TG: variants seen among roughly 807,000 people sequenced by gnomAD.
TG encodes the protein thyroid hormones.
In TG, 270 loss-of-function variants were observed where a neutral mutation model predicts 324.7. The ratio of observed to expected loss-of-function variants is 0.83; its 90% CI spans 0.75 to 0.92. TG has a LOEUF of 0.92. TG is among the 40% of genes least tolerant of loss of function. The probability of loss-of-function intolerance (pLI) is 0.00; values close to 1 mark genes in which losing one functional copy is unlikely to be tolerated. For synonymous variants in TG, 1,401 were observed against 1,327.0 expected, an observed-to-expected ratio of 1.06 and a Z score of -1.21; for missense variants, 3,591 against 3,456.4, an observed-to-expected ratio of 1.04 and a Z score of -0.98.
chr8:132,922,372 G>A (rs149364484), intron 21 of TG, among the ~76,000 whole-genome samples: 32 of 152,322 alleles, frequency 2.1e-4, no homozygotes, highest in African/African-American at 7.5e-4. Context: ...GTCAGACACT[G>A]AGCAAGGCAT....
At chr8:133,054,315 G>C (rs377318620) in intron 41 of TG, among the ~76,000 whole-genome samples, 91 of 152,288 alleles carry the variant, frequency 6.0e-4, no homozygotes, top group African/African-American at 2.1e-3. Flanking sequence ...TATGCACTGC[G>C]CATGAAAGAA....
chr8:132,942,849 G>C (rs1334822190), intron 26 of TG, among the ~76,000 whole-genome samples: 1 of 152,202 alleles, frequency 6.6e-6, no homozygotes, highest in Non-Finnish European at 1.5e-5. Context: ...GGGATGAGCA[G>C]TACTTAGATG....
At chr8:132,979,582 T>C (rs2130643923) in intron 34 of TG, among the ~76,000 whole-genome samples, 1 of 152,334 alleles carries the variant, frequency 6.6e-6, no homozygotes, top group South Asian at 2.1e-4. Flanking sequence ...AGTCTGCTGC[T>C]GGCACTAGGC....
intron 41 of TG, chr8:133,045,018 G>C: frequency 6.2e-7 from 1 of 1,614,164 alleles, no homozygotes; most frequent in South Asian, 1.1e-5. Context: ...CCAGGCACTG[G>C]AAGGTGAGCC....
At chr8:133,034,862 T>G (rs1461628346) in intron 41 of TG, among the ~76,000 whole-genome samples, 1 of 152,182 alleles carries the variant, frequency 6.6e-6, no homozygotes, top group African/African-American at 2.4e-5. Context: ...GTCTTAGGGC[T>G]TTGCTGGTAA....
intron 16 of TG, 96 bp from the exon 17 acceptor site, chr8:132,906,592 C>T (rs966947862): frequency 2.9e-5 from 41 of 1,399,220 alleles, no homozygotes; most frequent in Non-Finnish European, 3.8e-5. Context: ...GGAGGAGGGC[C>T]CAGTGTGAGT....
rs545398193 is a variant in TG, at chr8:132,944,951, G to A, written c.5233+3409G>A. The stretch of plus-strand genomic sequence containing the variant: ...AAAGAAGAGAAGCCTAGAGGAAGCC[G>A]TGGTCCCTGGAGCAGAGAGTACAAG... On this transcript the variant is annotated intron_variant, in intron 26 of 47. Coordinates refer to ENST00000220616, the MANE Select transcript of TG (RefSeq NM_003235.5). 4.6e-5 allele frequency among the ~76,000 whole-genome samples: 7 copies of A among 152,316 alleles called. 1 individual carries two copies. The South Asian group carries it at 6.2e-4, about 14-fold the overall frequency.
chr8:132,990,000 T>G (rs1172423780), intron 35 of TG, among the ~76,000 whole-genome samples: 1 of 151,918 alleles, frequency 6.6e-6, no homozygotes, highest in Non-Finnish European at 1.5e-5. Flanking sequence ...GAAGAGCAGA[T>G]AAAGTATAAT....
chr8:132,970,160 G>A (rs939977845), intron 32 of TG, among the ~76,000 whole-genome samples: 1 of 151,920 alleles, frequency 6.6e-6, no homozygotes, highest in Non-Finnish European at 1.5e-5. Context: ...AGAATCTGGA[G>A]AGCAAGTGGA....
At chr8:133,022,751 C>T (rs767459579) in intron 40 of TG, among the ~76,000 whole-genome samples, 10 of 152,208 alleles carry the variant, frequency 6.6e-5, no homozygotes, top group Non-Finnish European at 1.3e-4. Context: ...AAACATCCTC[C>T]ATCCACGTCT....
At chr8:133,011,260 G>A (rs1345589513) in intron 35 of TG, among the ~76,000 whole-genome samples, 2 of 152,142 alleles carry the variant, frequency 1.3e-5, no homozygotes, top group Non-Finnish European at 2.9e-5. Flanking sequence ...TACCCCCATG[G>A]ACAGTGTTGG....
intron 10 of TG, among the ~76,000 whole-genome samples, chr8:132,892,748 G>A (rs1178780224): frequency 6.6e-6 from 1 of 151,560 alleles, no homozygotes; most frequent in Non-Finnish European, 1.5e-5. Context: ...TGTATGGTGT[G>A]TGCACTTATG....
chr8:132,933,736 T>C, intron 24 of TG, 60 bp downstream of exon 24: 1 of 1,502,692 alleles, frequency 6.7e-7, no homozygotes, highest in African/African-American at 1.4e-5. Flanking sequence ...AGATGTGCTC[T>C]GAGGAGCGGG....
chr8:132,971,224 G>C (rs1252287208), intron 32 of TG, among the ~76,000 whole-genome samples: 1 of 152,184 alleles, frequency 6.6e-6, no homozygotes, highest in African/African-American at 2.4e-5. Context: ...TCTTGAGAGA[G>C]CCTGGCTGGG....
chr8:133,097,365 A>G (rs1456809778), intron 43 of TG, among the ~76,000 whole-genome samples: 1 of 152,208 alleles, frequency 6.6e-6, no homozygotes. Flanking sequence ...TGCATTGTTT[A>G]TTGATTGATT....
At chr8:132,878,207 A>C (rs1185297175) in intron 5 of TG, among the ~76,000 whole-genome samples, 1 of 152,152 alleles carries the variant, frequency 6.6e-6, no homozygotes, top group African/African-American at 2.4e-5. Context: ...GATGGAGGGA[A>C]CTTGGTTCCT....
intron 41 of TG, chr8:133,049,876 T>A: frequency 7.0e-7 from 1 of 1,430,680 alleles, no homozygotes; most frequent in Non-Finnish European, 9.9e-7. Flanking sequence ...CATGCTTAAT[T>A]GCTGCCATTT....
chr8:132,988,665 A>G (rs2130745130), intron 35 of TG: 5 of 968,420 alleles, frequency 5.2e-6, no homozygotes, highest in Non-Finnish European at 6.1e-6. Flanking sequence ...AATAGTAAAT[A>G]TATATTTTCT....
intron 41 of TG, among the ~76,000 whole-genome samples, chr8:133,048,244 G>C (rs1213214185): frequency 6.6e-6 from 1 of 151,664 alleles, no homozygotes; most frequent in Non-Finnish European, 1.5e-5. Context: ...TTTTGGAAAT[G>C]GATCCCTGCT....
Sources: allele counts gnomAD v4.1 joint callset (sites outside exome capture counted in the v4.1 genomes callset), GRCh38; gene constraint gnomAD v4.1.1; transcripts MANE v1.5; gene names NCBI Gene and HGNC (gene_info 2026-07-23, HGNC 2026-07-21).